The following RASAL1 variants were observed in gnomAD, a reference collection of about 807,000 sequenced individuals.
RASAL1 encodes RAS protein activator like 1.
A neutral mutation model predicts 96.6 loss-of-function variants in RASAL1; 72 were observed. That is an observed-to-expected ratio of 0.75 (90% CI 0.62 to 0.91). The LOEUF (loss-of-function observed/expected upper bound fraction) is 0.91, where lower values mean the gene tolerates loss of function less well. Ranked by LOEUF, RASAL1 falls within the 40% of genes least tolerant of loss-of-function variation. The pLI is 0.00. For missense variants in RASAL1, 1,016 were observed against 1,072.5 expected (o/e 0.95, Z 0.74); for synonymous variants, 405 against 430.4 (o/e 0.94, Z 0.73).
rs750548498 is a variant in RASAL1, at chr12:113,108,224, T to C, written c.1375-2A>G. ...ACTGATGGCCAGGTACTTCACATCC[T>C]GCTGGGAGGAGCAGAAGGTAAGAGG... On this transcript the variant is annotated splice_acceptor_variant, in intron 13 of 20. Coordinates refer to ENST00000548055, the MANE Select transcript of RASAL1 (RefSeq NM_001301202.2). LOFTEE classifies it high-confidence loss of function. 2.5e-6 allele frequency: 4 copies of C among 1,610,026 alleles called. No individual in the cohort carries two copies. The South Asian group carries it at 4.4e-5, about 18-fold the overall frequency.
Position 113,115,869 on chromosome 12 carries a change from A to G in RASAL1, c.849+65T>C. 1.3e-6 allele frequency: 2 copies of G among 1,588,512 alleles called. No homozygotes were observed. The highest frequency in any genetic ancestry group is 1.7e-6 in the Non-Finnish European group (2 of 1,164,324). On this transcript the variant is annotated intron_variant, in intron 9 of 20. Transcript: ENST00000548055. This position sits in a 1 kb window ranked among gnomAD's most constrained non-coding sequence, Gnocchi z 4.1. Reference sequence around the variant, plus strand: ...GGGCCTAGATAGGGCTCCGTGAGGCAGGGGGAGGCCAGGATCCAGACCCCC... The same window carrying G: ...GGGCCTAGATAGGGCTCCGTGAGGCGGGGGGAGGCCAGGATCCAGACCCCC...
intron 2 of RASAL1, among the ~76,000 whole-genome samples, chr12:113,128,501 A>G (rs776614288): frequency 6.6e-6 from 1 of 151,724 alleles, no homozygotes; most frequent in Non-Finnish European, 1.5e-5. Flanking sequence ...ACACACACAC[A>G]CACACACACA....
chr12:113,128,348 C>T (rs764371209), intron 2 of RASAL1, among the ~76,000 whole-genome samples, 170 bp from the exon 3 acceptor site: 1 of 151,244 alleles, frequency 6.6e-6, no homozygotes, highest in Non-Finnish European at 1.5e-5. Flanking sequence ...CAGACACACA[C>T]ACACACCCAA....
chr12:113,114,599 T>C (rs1191682577), intron 12 of RASAL1, among the ~76,000 whole-genome samples: 1 of 152,114 alleles, frequency 6.6e-6, no homozygotes, highest in Admixed American at 6.5e-5. Flanking sequence ...GCGCTTAGCA[T>C]CAGAGTCCTG....
chr12:113,117,980 T>C (rs1192675505), intron 7 of RASAL1, among the ~76,000 whole-genome samples: 1 of 152,130 alleles, frequency 6.6e-6, no homozygotes, highest in Non-Finnish European at 1.5e-5. Context: ...TCCCAGCACT[T>C]TGGGAGGATG....
At chr12:113,116,132 G>C (rs755427392) in intron 8 of RASAL1, 81 bp from the exon 9 acceptor site, 1 of 1,165,414 alleles carries the variant, frequency 8.6e-7, no homozygotes. Flanking sequence ...CATTTTGGGA[G>C]GCCAAGGTGG....
chr12:113,119,303 G>C, intron 6 of RASAL1, 44 bp from the exon 7 acceptor site: 13 of 1,611,512 alleles, frequency 8.1e-6, no homozygotes, highest in Non-Finnish European at 1.1e-5. Context: ...AGCTGATGGG[G>C]ACTCCTGCCC....
At position 113,107,198 on chromosome 12, in the gene RASAL1, C is replaced by A. The variant is rs746269074; in HGVS notation, c.1556G>T (p.Gly519Val). ...CAGGGGGGCCATCCACAGTTCCTTG[C>A]CTTGGCCCAGCTGCTGGCCCAGGTT... Reference protein sequence around the residue: ...IGNLGQQLGQGKELWMAPLHP... With the variant: ...IGNLGQQLGQVKELWMAPLHP... The change falls in exon 15 of 21, where the codon GGC becomes GTC. Residue 519 changes from glycine (G) to valine (V), a missense_variant. Gly to Val is a moderately radical substitution (Grantham distance 109). Transcript: ENST00000548055. The A allele has an allele frequency of 4.3e-6, 7 of 1,613,006 alleles. No individual in the cohort carries two copies. The highest frequency in any genetic ancestry group is 5.1e-6 in the Non-Finnish European group (6 of 1,179,410).
At chr12:113,114,946 G>T in intron 11 of RASAL1, 34 bp from the exon 12 acceptor site, 1 of 1,545,978 alleles carries the variant, frequency 6.5e-7, no homozygotes, top group South Asian at 1.1e-5. Context: ...GGGTGGGGCT[G>T]AGGGCGAGGC....
intron 18 of RASAL1, chr12:113,102,890 C>T (rs996973368): frequency 3.8e-5 from 6 of 158,712 alleles, no homozygotes; most frequent in African/African-American, 1.2e-4. Flanking sequence ...CCTACCTTGT[C>T]CCAACCTCTA....
intron 5 of RASAL1, among the ~76,000 whole-genome samples, chr12:113,120,117 T>C (rs964686514): frequency 1.3e-5 from 2 of 152,140 alleles, no homozygotes; most frequent in Non-Finnish European, 2.9e-5. Flanking sequence ...TCCCTCCTTC[T>C]TGACGTTCTC....
chr12:113,103,463 G>A (rs1950532059), intron 18 of RASAL1, among the ~76,000 whole-genome samples: 1 of 152,036 alleles, frequency 6.6e-6, no homozygotes, highest in African/African-American at 2.4e-5. Context: ...AAAATTAGCT[G>A]GGTGCAGTGG....
At chr12:113,117,637 T>C (rs1007945358) in intron 7 of RASAL1, among the ~76,000 whole-genome samples, 1 of 152,196 alleles carries the variant, frequency 6.6e-6, no homozygotes, top group African/African-American at 2.4e-5. Flanking sequence ...TTTAGTATAT[T>C]CACAGACTTA....
chr12:113,111,293 G>A (rs544921935), intron 13 of RASAL1, among the ~76,000 whole-genome samples: 1 of 152,144 alleles, frequency 6.6e-6, no homozygotes, highest in Admixed American at 6.5e-5. Context: ...TTTACATCTG[G>A]AATTTCAAGA....
intron 16 of RASAL1, 22 bp from the exon 17 acceptor site, chr12:113,104,320 G>A: frequency 6.5e-7 from 1 of 1,543,574 alleles, no homozygotes; most frequent in Non-Finnish European, 8.8e-7. Flanking sequence ...GATTGTCGCT[G>A]CAGGATGGGC....
At chr12:113,111,718 G>A (rs1322566072) in intron 13 of RASAL1, among the ~76,000 whole-genome samples, 7 of 152,080 alleles carry the variant, frequency 4.6e-5, no homozygotes, top group South Asian at 4.2e-4. Flanking sequence ...CTCAGCCTCC[G>A]GAGTAGCTGG....
At chr12:113,105,254 C>T (rs1326483547) in intron 16 of RASAL1, among the ~76,000 whole-genome samples, 1 of 152,236 alleles carries the variant, frequency 6.6e-6, no homozygotes, top group Non-Finnish European at 1.5e-5. Context: ...ATCTCCAGTG[C>T]CTAGGACACT....
At chr12:113,127,743 T>C in intron 4 of RASAL1, 69 bp downstream of exon 4, 1 of 1,344,562 alleles carries the variant, frequency 7.4e-7, no homozygotes, top group Non-Finnish European at 1.1e-6. Context: ...CCGTGCCATG[T>C]GCTATGCCCC....
At chr12:113,103,530 CG>C (rs1566034422) in intron 18 of RASAL1, among the ~76,000 whole-genome samples, 1 of 151,570 alleles carries the variant, frequency 6.6e-6, no homozygotes, top group Non-Finnish European at 1.5e-5. Flanking sequence ...CGCTTGAACC[CG>C]GGAGGCAGAG....
Sources: gnomAD v4.1 joint callset for allele counts (sites outside exome capture counted in the v4.1 genomes callset) on GRCh38, gnomAD v4.1.1 for gene constraint, Gnocchi (gnomAD v3.1) non-coding constraint, MANE v1.5 for transcripts, NCBI Gene and HGNC (gene_info 2026-07-23, HGNC 2026-07-21) for gene names.